The following CWC27 variants were observed in gnomAD, a reference collection of about 807,000 sequenced individuals.
CWC27 encodes the protein CWC27 spliceosome associated cyclophilin.
CWC27 carries 47 observed loss-of-function variants against 63.6 expected under a neutral mutation model. The ratio of observed to expected loss-of-function variants is 0.74; its 90% CI spans 0.58 to 0.94. The LOEUF (loss-of-function observed/expected upper bound fraction) is 0.94. Ranked by LOEUF, CWC27 falls within the 40% of genes least tolerant of loss-of-function variation. The probability of loss-of-function intolerance (pLI) is 0.00; values close to 1 mark genes in which losing one functional copy is unlikely to be tolerated. For synonymous variants in CWC27, 175 were observed against 179.8 expected, an observed-to-expected ratio of 0.97 and a Z score of 0.22; for missense variants, 495 against 554.3, an observed-to-expected ratio of 0.89 and a Z score of 1.07.
chr5:64,917,739 A>G (rs191276873), intron 11 of CWC27, among the ~76,000 whole-genome samples: 198 of 152,278 alleles, frequency 1.3e-3, no homozygotes, highest in African/African-American at 4.5e-3. Flanking sequence ...AGACTCAACC[A>G]AAATATTGAC....
At chr5:64,998,286 G>C (rs1382578194) in intron 13 of CWC27, among the ~76,000 whole-genome samples, 1 of 152,128 alleles carries the variant, frequency 6.6e-6, no homozygotes, top group Admixed American at 6.6e-5. Flanking sequence ...CCCTATGGAA[G>C]ACAGTTGTTC....
intron 11 of CWC27, among the ~76,000 whole-genome samples, chr5:64,905,544 A>G (rs1747615868): frequency 6.6e-6 from 1 of 152,214 alleles, no homozygotes; most frequent in African/African-American, 2.4e-5. Context: ...AGAAATAAAG[A>G]CTAGTAATGC....
At chr5:64,848,752 C>A (rs962831122) in intron 10 of CWC27, among the ~76,000 whole-genome samples, 3 of 152,104 alleles carry the variant, frequency 2.0e-5, no homozygotes, top group Non-Finnish European at 4.4e-5. Flanking sequence ...GATCATGTCA[C>A]TAGATGCAGG....
intron 10 of CWC27, among the ~76,000 whole-genome samples, chr5:64,833,979 G>A (rs538636113): frequency 6.6e-6 from 1 of 151,478 alleles, no homozygotes; most frequent in East Asian, 1.9e-4. Flanking sequence ...TGTTAGAATA[G>A]TAAATGAGAA....
intron 11 of CWC27, among the ~76,000 whole-genome samples, chr5:64,948,541 G>T (rs780046187): frequency 1.3e-5 from 2 of 151,718 alleles, no homozygotes; most frequent in African/African-American, 4.8e-5. Flanking sequence ...CTAATATATT[G>T]CACCATGCTA....
intron 13 of CWC27, among the ~76,000 whole-genome samples, chr5:65,004,678 T>C (rs2112468759): frequency 6.6e-6 from 1 of 150,756 alleles, no homozygotes; most frequent in African/African-American, 2.4e-5. Flanking sequence ...TAAATTCTTT[T>C]AGTCATGTCA....
chr5:64,843,927 G>A (rs1361937201), intron 10 of CWC27, among the ~76,000 whole-genome samples: 7 of 151,504 alleles, frequency 4.6e-5, no homozygotes, highest in South Asian at 2.1e-4. Context: ...CTGCCCCTCC[G>A]CCACCCCGCA....
chr5:64,986,821 G>C (rs578180527), intron 13 of CWC27, among the ~76,000 whole-genome samples: 3 of 152,104 alleles, frequency 2.0e-5, no homozygotes, highest in African/African-American at 7.2e-5. Context: ...CAGGTAAGCT[G>C]ATCTGGAAAA....
chr5:64,934,318 G>A (rs1481100818), intron 11 of CWC27, among the ~76,000 whole-genome samples: 2 of 152,096 alleles, frequency 1.3e-5, no homozygotes, highest in African/African-American at 4.8e-5. Flanking sequence ...TGTTCTCATT[G>A]TTCAACTCCC....
At chr5:64,891,436 A>G (rs1268973988) in intron 11 of CWC27, among the ~76,000 whole-genome samples, 2 of 152,204 alleles carry the variant, frequency 1.3e-5, no homozygotes, top group Non-Finnish European at 2.9e-5. Flanking sequence ...TTTCAATAAT[A>G]TAATTTCTTA....
intron 12 of CWC27, among the ~76,000 whole-genome samples, chr5:64,975,598 T>C (rs1276335977): frequency 6.6e-6 from 1 of 152,150 alleles, no homozygotes; most frequent in Non-Finnish European, 1.5e-5. Context: ...TACAAAATTA[T>C]AGCCACTTGC....
rs775286015 is a variant in CWC27, at chr5:64,800,273, G to C, written c.695G>C (p.Ser232Thr). The change falls in exon 8 of 14, where the codon AGT becomes ACT. Residue 232 changes from serine to threonine, a missense_variant. Transcript: ENST00000381070. ...AGCATGAAGGGCAAAAGCAAAAGTA[G>C]TCATGACTTGCTTAAGGATGATCCA... The part of the protein sequence containing the change: ...SQSMKGKSKS[S>T]HDLLKDDPHL... 1 of 1,612,636 alleles carries C rather than the reference G, an allele frequency of 6.2e-7. No homozygotes were observed. The highest frequency in any genetic ancestry group is 8.5e-7 in the Non-Finnish European group (1 of 1,179,120).
chr5:65,000,242 G>A (rs753539926), intron 13 of CWC27, among the ~76,000 whole-genome samples: 2 of 151,940 alleles, frequency 1.3e-5, no homozygotes, highest in African/African-American at 2.4e-5. Context: ...TCAGTACCTT[G>A]CTGGGTGAAT....
intron 11 of CWC27, among the ~76,000 whole-genome samples, chr5:64,914,467 C>T (rs1747849164): frequency 6.6e-6 from 1 of 151,896 alleles, no homozygotes; most frequent in Non-Finnish European, 1.5e-5. Flanking sequence ...GAAAAACGGG[C>T]AAGAGACTTC....
intron 10 of CWC27, among the ~76,000 whole-genome samples, chr5:64,813,447 G>C (rs968714537): frequency 6.6e-6 from 1 of 152,098 alleles, no homozygotes; most frequent in African/African-American, 2.4e-5. Context: ...CAACCCTACT[G>C]TTTTTACAAT....
In CWC27 at chr5:64,819,344, C is replaced by T. The variant is rs572077489; in HGVS notation, c.938+14958C>T. ...TGTATTTACCTAGGTAAGAAACCTT[C>T]GTGTGTACCCCCGAACCTAAAATAA... On this transcript the variant is annotated intron_variant, in intron 10 of 13. Coordinates refer to ENST00000381070, the MANE Select transcript of CWC27 (RefSeq NM_005869.4). Among the ~76,000 whole-genome samples the T allele has an allele frequency of 4.6e-5, 7 of 152,192 alleles. No individual in the cohort carries two copies. The East Asian group carries it at 7.7e-4, about 17-fold the overall frequency.
In CWC27 at chr5:64,784,653, T is replaced by C. The variant is rs76544129; in HGVS notation, c.396+674T>C. Among the ~76,000 whole-genome samples the C allele has an allele frequency of 9.1e-3, 1,382 of 152,314 alleles. 22 individuals are homozygous for C. The highest frequency in any genetic ancestry group is 0.031 in the African/African-American group (1,305 of 41,576). On this transcript the variant is annotated intron_variant, in intron 4 of 13. Coordinates refer to ENST00000381070, the MANE Select transcript of CWC27 (RefSeq NM_005869.4). ...CCATATACTGGGCAAAACTGGATTTTTGTGGTGATGAAAGGGAAAAAAACA... is the reference window on the plus strand; with the variant it reads ...CCATATACTGGGCAAAACTGGATTTCTGTGGTGATGAAAGGGAAAAAAACA...
chr5:64,954,765 G>A (rs1748775428), intron 11 of CWC27, among the ~76,000 whole-genome samples: 1 of 126,610 alleles, frequency 7.9e-6, no homozygotes, highest in Non-Finnish European at 1.7e-5. Flanking sequence ...TATATATAGT[G>A]CTTTCTATAT....
chr5:64,890,384 G>A (rs146587520), intron 11 of CWC27, among the ~76,000 whole-genome samples: 1 of 152,148 alleles, frequency 6.6e-6, no homozygotes, highest in East Asian at 1.9e-4. Context: ...TTTTCATCTG[G>A]GTAATATATA....
Sources: gnomAD v4.1 joint callset for allele counts (sites outside exome capture counted in the v4.1 genomes callset) on GRCh38, gnomAD v4.1.1 for gene constraint, MANE v1.5 for transcripts, NCBI Gene and HGNC (gene_info 2026-07-23, HGNC 2026-07-21) for gene names.